Variants in ISCA1 observed in about 807,000 individuals in gnomAD.
ISCA1 encodes the protein iron-sulfur cluster assembly 1 homolog, mitochondrial.
Under a neutral mutation model 14.7 loss-of-function variants are expected in ISCA1, and 9 were observed. The observed-to-expected ratio is 0.61, with a 90% CI of 0.37 to 1.07. ISCA1 has a LOEUF of 1.07. Ranked by LOEUF, ISCA1 falls within the 50% of genes least tolerant of loss-of-function variation. The pLI, the probability that ISCA1 is intolerant of heterozygous loss-of-function variation, is 0.01. For synonymous variants in ISCA1, 38 were observed against 54.3 expected, an observed-to-expected ratio of 0.70 and a Z score of 1.32; for missense variants, 102 against 150.1, an observed-to-expected ratio of 0.68 and a Z score of 1.67.
rs1032186875 is a variant in ISCA1, at chr9:86,276,819, C to T, written c.82-2577G>A. On this transcript the variant is annotated intron_variant, in intron 1 of 3. Transcript: ENST00000375991. ...CCAGGAGGCGGAGGCTGCAGTAAGC[C>T]GAGATCATGCCACTGCACTCCAGCC... is the stretch of plus-strand genomic sequence containing the variant. Among the ~76,000 whole-genome samples, 9 of 125,954 alleles carry T rather than the reference C, an allele frequency of 7.1e-5. No homozygotes were observed. The East Asian group carries it at 1.6e-3, about 23-fold the overall frequency. 82.6% of individuals were successfully genotyped at this position (125,954 alleles called of 152,430 possible).
At chr9:86,272,236 G>T in intron 2 of ISCA1, 124 bp from the exon 3 acceptor site, 1 of 681,544 alleles carries the variant, frequency 1.5e-6, no homozygotes, top group Non-Finnish European at 2.6e-6. Flanking sequence ...GTAGGACAGG[G>T]TCTCACTATG....
intron 1 of ISCA1, among the ~76,000 whole-genome samples, chr9:86,277,994 T>A (rs1406095684): frequency 2.0e-5 from 3 of 152,224 alleles, no homozygotes; most frequent in Non-Finnish European, 4.4e-5. Context: ...TAGGAGAAAC[T>A]TTTCATTCTC....
intron 3 of ISCA1, among the ~76,000 whole-genome samples, chr9:86,266,635 A>G (rs77998319): frequency 6.1e-4 from 93 of 152,310 alleles, no homozygotes; most frequent in East Asian, 3.1e-3. Flanking sequence ...AATAACATCA[A>G]TCAGTACAAC....
At chr9:86,272,640 G>A (rs1443491320) in intron 2 of ISCA1, among the ~76,000 whole-genome samples, 1 of 152,184 alleles carries the variant, frequency 6.6e-6, no homozygotes, top group Admixed American at 6.5e-5. Flanking sequence ...CTGTCTTAGA[G>A]CTGAGCTGAT....
At chr9:86,268,648 T>C (rs1051931657) in intron 3 of ISCA1, among the ~76,000 whole-genome samples, 2 of 152,172 alleles carry the variant, frequency 1.3e-5, no homozygotes, top group African/African-American at 4.8e-5. Context: ...GTTCCATGCA[T>C]GGTAACTGCC....
intron 3 of ISCA1, chr9:86,267,401 T>C (rs1452112070): frequency 1.8e-5 from 16 of 908,584 alleles, no homozygotes; most frequent in Non-Finnish European, 2.1e-5. Context: ...TCTTTATTGA[T>C]AGTTATAACT....
At chr9:86,274,309 T>C (rs1825412177) in intron 1 of ISCA1, 67 bp from the exon 2 acceptor site, 10 of 1,055,004 alleles carry the variant, frequency 9.5e-6, no homozygotes, top group African/African-American at 1.6e-5. Flanking sequence ...TTATCAGTCT[T>C]CGTAAGTCTG....
In ISCA1 at chr9:86,270,248, A is replaced by G. The variant is rs535199139; in HGVS notation, c.241+1759T>C. Among the ~76,000 whole-genome samples, 12 of 146,614 alleles carry G rather than the reference A, an allele frequency of 8.2e-5. No individual in the cohort carries two copies. The East Asian group carries it at 2.4e-3, about 29-fold the overall frequency. On this transcript the variant is annotated intron_variant, in intron 3 of 3. Transcript: ENST00000375991. ...AATGAACTCAAACAAATTTACAAGA[A>G]AAAAACAAACAACCCCATCAAAAAG...
At chr9:86,282,340 C>A (rs1213140883) in intron 1 of ISCA1, 38 bp downstream of exon 1, 3 of 1,532,138 alleles carry the variant, frequency 2.0e-6, no homozygotes, top group East Asian at 2.5e-5. Context: ...CGGACACGAG[C>A]AATGTCACGG....
At chr9:86,269,183 C>T (rs1825332383) in intron 3 of ISCA1, among the ~76,000 whole-genome samples, 1 of 152,166 alleles carries the variant, frequency 6.6e-6, no homozygotes, top group Non-Finnish European at 1.5e-5. Flanking sequence ...TGTTAACACA[C>T]CCGACCACAT....
chr9:86,279,634 T>C (rs1045574794), intron 1 of ISCA1, among the ~76,000 whole-genome samples: 1 of 152,240 alleles, frequency 6.6e-6, no homozygotes, highest in African/African-American at 2.4e-5. Context: ...CAATCAGTTT[T>C]ACTGAATTAG....
At chr9:86,268,130 T>C (rs948043403) in intron 3 of ISCA1, among the ~76,000 whole-genome samples, 4 of 151,694 alleles carry the variant, frequency 2.6e-5, no homozygotes, top group Non-Finnish European at 5.9e-5. Context: ...AAGTTAACCG[T>C]GAAACAGCCT....
Position 86,265,250 on chromosome 9 carries a change from G to A in ISCA1, c.*793C>T, listed in dbSNP as rs1254450043. On this transcript the variant is annotated 3_prime_UTR_variant, in exon 4 of 4. Transcript: ENST00000375991. The stretch of plus-strand genomic sequence containing the variant: ...GCATGTGTCACCTACAAGGGGAGAG[G>A]GGGGTAGAGTCCCTACTCTCCCCCG... 1.3e-5 allele frequency: 2 copies of A among 152,274 alleles called. No individual in the cohort carries two copies. The highest frequency in any genetic ancestry group is 2.1e-4 in the South Asian group (1 of 4,824). 9.4% of individuals were successfully genotyped at this position (152,274 alleles called of 1,614,324 possible).
At chr9:86,269,186 G>A (rs1020900118) in intron 3 of ISCA1, among the ~76,000 whole-genome samples, 1 of 152,084 alleles carries the variant, frequency 6.6e-6, no homozygotes, top group Non-Finnish European at 1.5e-5. Context: ...TAACACACCC[G>A]ACCACATTTG....
At chr9:86,268,871 T>C (rs1305321937) in intron 3 of ISCA1, among the ~76,000 whole-genome samples, 2 of 152,202 alleles carry the variant, frequency 1.3e-5, no homozygotes, top group African/African-American at 4.8e-5. Context: ...CTCGGCTCAC[T>C]GCAACCTCCG....
At chr9:86,266,263 G>A (rs970020939) in intron 3 of ISCA1, 72 bp from the exon 4 acceptor site, 9 of 1,517,966 alleles carry the variant, frequency 5.9e-6, no homozygotes, top group African/African-American at 4.2e-5. Flanking sequence ...AAGCACAAGT[G>A]AACTTGAAAT....
intron 1 of ISCA1, among the ~76,000 whole-genome samples, chr9:86,280,350 C>T (rs1825494097): frequency 6.6e-6 from 1 of 152,040 alleles, no homozygotes; most frequent in Admixed American, 6.6e-5. Flanking sequence ...CTTTGGGAGG[C>T]TGAGACGAGT....
chr9:86,275,224 G>C (rs532265903), intron 1 of ISCA1, among the ~76,000 whole-genome samples: 2 of 152,188 alleles, frequency 1.3e-5, no homozygotes, highest in African/African-American at 2.4e-5. Flanking sequence ...ATGATTATGA[G>C]AGTACATCAT....
intron 1 of ISCA1, among the ~76,000 whole-genome samples, chr9:86,279,111 T>C (rs1486773744): frequency 6.6e-6 from 1 of 152,230 alleles, no homozygotes; most frequent in Non-Finnish European, 1.5e-5. Context: ...TCTAGTCCAA[T>C]GAACTAACAC....
Sources: allele counts gnomAD v4.1 joint callset (sites outside exome capture counted in the v4.1 genomes callset), GRCh38; gene constraint gnomAD v4.1.1; transcripts MANE v1.5; gene names NCBI Gene and HGNC (gene_info 2026-07-23, HGNC 2026-07-21).